Variants in INTU observed in about 807,000 individuals in gnomAD.
The protein encoded by INTU is inturned planar cell polarity protein, also known as protein inturned.
Under a neutral mutation model 100.5 loss-of-function variants are expected in INTU, and 68 were observed. The observed-to-expected ratio is 0.68, with a 90% CI of 0.56 to 0.83. The LOEUF is 0.83. Ranked by LOEUF, INTU falls within the 40% of genes least tolerant of loss-of-function variation. INTU has a pLI of 0.00. For synonymous variants in INTU, 357 were observed against 395.7 expected (o/e 0.90, Z 1.16); for missense variants, 1,071 against 1,114.7 (o/e 0.96, Z 0.56).
At chr4:127,716,265 T>TA in intron 15 of INTU, 60 bp from the exon 16 acceptor site, 1 of 743,852 alleles carries the variant, frequency 1.3e-6, no homozygotes. Flanking sequence ...ATTGGATGGT[T>TA]AGAGTTTTTG....
In INTU at chr4:127,643,560, T is replaced by G. The variant is rs780023431; in HGVS notation, c.186T>G (p.Asn62Lys). The G allele has an allele frequency of 6.2e-7, 1 of 1,607,156 alleles. No homozygotes were observed. Among genetic ancestry groups the G allele is most frequent in the South Asian group, 1.1e-5 (1 of 90,108 alleles). The change falls in exon 2 of 16, where the codon AAT becomes AAG. Residue 62 changes from asparagine (N) to lysine (K), a missense_variant. Transcript: ENST00000335251. The part of the protein sequence containing the change: ...EPEWLDSVQK[N>K]GELFYLELSE... ...AATGGCTGGACAGTGTGCAGAAAAA[T>G]GGAGAGCTGTTTTATTTGGAATTGA...
chr4:127,661,947 A>C (rs1336460737), intron 3 of INTU, among the ~76,000 whole-genome samples: 1 of 151,924 alleles, frequency 6.6e-6, no homozygotes, highest in Non-Finnish European at 1.5e-5. Flanking sequence ...TGCTCCATCT[A>C]TTGTTTTTTG....
chr4:127,651,893 C>A (rs941798979), intron 2 of INTU, among the ~76,000 whole-genome samples: 14 of 150,236 alleles, frequency 9.3e-5, no homozygotes, highest in South Asian at 2.1e-4. Flanking sequence ...CTTTTATTTC[C>A]TTGAGCAGTG....
intron 2 of INTU, among the ~76,000 whole-genome samples, chr4:127,645,504 A>G: frequency 6.6e-6 from 1 of 151,572 alleles, no homozygotes; most frequent in Non-Finnish European, 1.5e-5. Context: ...TAACCCCAGA[A>G]CCAGGAGAGA....
chr4:127,713,863 A>C, intron 14 of INTU, 73 bp from the exon 15 acceptor site: 1 of 1,104,806 alleles, frequency 9.1e-7, no homozygotes, highest in South Asian at 1.8e-5. Context: ...GCCAATTCAG[A>C]TTACTCTGTG....
chr4:127,687,350 G>A (rs1290746111), intron 7 of INTU: 3 of 158,230 alleles, frequency 1.9e-5, no homozygotes, highest in Non-Finnish European at 4.2e-5. Context: ...TTAAAAGACA[G>A]TCAGAGGTAA....
intron 15 of INTU, 140 bp from the exon 16 acceptor site, chr4:127,716,185 C>T (rs568277470): frequency 4.2e-6 from 2 of 481,640 alleles, no homozygotes; most frequent in East Asian, 6.4e-5. Context: ...GCTGCTTTCT[C>T]CCTAGTATAG....
intron 7 of INTU, chr4:127,686,953 G>T (rs1729855070): frequency 6.6e-6 from 1 of 152,194 alleles, no homozygotes; most frequent in Non-Finnish European, 1.5e-5. Flanking sequence ...ATAAATGCTT[G>T]CAGTCAATGC....
Position 127,714,053 on chromosome 4 carries a change from C to G in INTU, c.2677C>G (p.Gln893Glu), listed in dbSNP as rs776332008. ...ATGTTCACCTGGAAACTGGACTGAT[C>G]AGAAAAAAGCACCACCAGTTATGGC... Reference protein sequence around the residue: ...FECSPGNWTDQKKAPPVMAYW... With the variant: ...FECSPGNWTDEKKAPPVMAYW... Residue 893 changes from glutamine (Q) to glutamate (E), a missense_variant, in exon 15 of 16, where the codon CAG becomes GAG. Gln to Glu is a conservative substitution (Grantham distance 29). Coordinates refer to ENST00000335251, the MANE Select transcript of INTU (RefSeq NM_015693.4). 5.0e-6 allele frequency: 8 copies of G among 1,612,822 alleles called. No individual in the cohort carries two copies. In the African/African-American group the frequency reaches 5.4e-5, roughly 11 times the overall value.
chr4:127,699,995 T>A lies in INTU; in HGVS notation c.1450-15T>A. 6.4e-7 allele frequency: 1 copy of A among 1,563,732 alleles called. No homozygotes were observed. Among genetic ancestry groups the A allele is most frequent in the Non-Finnish European group, 8.6e-7 (1 of 1,160,256 alleles). ...GTCAAATGTTTATGTTACTCTTTTT[T>A]TTTTTTTAACATAGATGGAATTAGA... On this transcript the variant is annotated splice_polypyrimidine_tract_variant and intron_variant, in intron 8 of 15. Transcript: ENST00000335251.
intron 6 of INTU, chr4:127,676,109 T>G (rs893639216): frequency 5.9e-6 from 1 of 169,342 alleles, no homozygotes; most frequent in Non-Finnish European, 1.3e-5. Context: ...CCACCATAAA[T>G]GTGGGGTTCA....
intron 8 of INTU, among the ~76,000 whole-genome samples, chr4:127,695,403 C>T (rs991922317): frequency 1.3e-5 from 2 of 152,002 alleles, no homozygotes; most frequent in African/African-American, 4.8e-5. Context: ...GTCAGGAGTT[C>T]AAAACCAGCC....
chr4:127,651,366 G>T (rs1348704526), intron 2 of INTU, among the ~76,000 whole-genome samples: 11 of 152,070 alleles, frequency 7.2e-5, no homozygotes, highest in Admixed American at 1.3e-4. Context: ...AAGGTTTAAG[G>T]CTTTAATCCA....
chr4:127,656,993 A>T (rs1289459586), intron 3 of INTU, among the ~76,000 whole-genome samples: 1 of 152,220 alleles, frequency 6.6e-6, no homozygotes, highest in Non-Finnish European at 1.5e-5. Flanking sequence ...CAAACTTGCC[A>T]TTATAACTAC....
chr4:127,703,379 T>C (rs1384129795), intron 9 of INTU, among the ~76,000 whole-genome samples: 1 of 152,210 alleles, frequency 6.6e-6, no homozygotes. Context: ...ATACCTTCGC[T>C]TATCCCTTTC....
intron 12 of INTU, among the ~76,000 whole-genome samples, 168 bp from the exon 13 acceptor site, chr4:127,708,403 C>G (rs1018747057): frequency 5.3e-5 from 8 of 152,176 alleles, no homozygotes; most frequent in Admixed American, 1.3e-4. Context: ...CCTGGGATCC[C>G]TGTCAGCCAT....
chr4:127,698,877 C>T (rs201591403), intron 8 of INTU, among the ~76,000 whole-genome samples: 1 of 152,056 alleles, frequency 6.6e-6, no homozygotes, highest in Non-Finnish European at 1.5e-5. Context: ...TGGTTTTTCA[C>T]AAGACAGACT....
chr4:127,642,386 A>C (rs1236378554), intron 1 of INTU, among the ~76,000 whole-genome samples: 1 of 152,218 alleles, frequency 6.6e-6, no homozygotes, highest in Non-Finnish European at 1.5e-5. Flanking sequence ...ATTAATGACC[A>C]GCCACAGACC....
intron 8 of INTU, 78 bp from the exon 9 acceptor site, chr4:127,699,932 T>C (rs551720761): frequency 9.3e-6 from 10 of 1,078,464 alleles, no homozygotes; most frequent in Middle Eastern, 2.6e-4. Flanking sequence ...AATTAAGCAC[T>C]TTTTATATGG....
Sources: allele counts gnomAD v4.1 joint callset (sites outside exome capture counted in the v4.1 genomes callset), GRCh38; gene constraint gnomAD v4.1.1; transcripts MANE v1.5; gene names NCBI Gene and HGNC (gene_info 2026-07-23, HGNC 2026-07-21).